Variants in EMC2 observed in about 807,000 individuals in gnomAD.
EMC2 encodes ER membrane protein complex subunit 2, also known as TPR repeat protein 35.
A neutral mutation model predicts 51.6 loss-of-function variants in EMC2; 37 were observed. That is an observed-to-expected ratio of 0.72 (90% CI 0.55 to 0.94). The LOEUF is 0.94. Ranked by LOEUF, EMC2 falls within the 40% of genes least tolerant of loss-of-function variation. EMC2 has a pLI of 0.00. For missense variants in EMC2, 359 were observed against 350.9 expected (o/e 1.02, Z -0.18); for synonymous variants, 131 against 112.4 (o/e 1.17, Z -1.04).
Position 108,450,486 on chromosome 8 carries a change from G to C in EMC2, c.213G>C (p.Leu71Phe). Residue 71 changes from leucine to phenylalanine, a missense_variant, in exon 3 of 11, where the codon TTG (leucine) becomes TTC (phenylalanine). Physicochemically the swap from Leu to Phe is conservative, Grantham distance 22. Transcript: ENST00000220853. ...CACTAGACTATGGTCGGGATGACTT[G>C]GCATTGGTAGGTATTTAAATGAAGT... ...IAALDYGRDD[L>F]ALFCLQELRR... 1 of 1,557,716 alleles carries C rather than the reference G, an allele frequency of 6.4e-7. No homozygotes were observed.
At chr8:108,455,051 G>C (rs1004527018) in intron 4 of EMC2, among the ~76,000 whole-genome samples, 3 of 152,040 alleles carry the variant, frequency 2.0e-5, no homozygotes, top group Admixed American at 6.5e-5. Flanking sequence ...CGTTGGTGTA[G>C]ATTTTTTGCT....
At chr8:108,459,390 C>A (rs1398105643) in intron 5 of EMC2, among the ~76,000 whole-genome samples, 3 of 152,094 alleles carry the variant, frequency 2.0e-5, no homozygotes, top group Non-Finnish European at 2.9e-5. Context: ...GAAGACTGGG[C>A]AATTTACAAA....
chr8:108,476,988 A>AT, intron 9 of EMC2, 96 bp downstream of exon 9: 1 of 606,306 alleles, frequency 1.6e-6, no homozygotes, highest in Non-Finnish European at 3.0e-6. Flanking sequence ...TGTTTTTTGT[A>AT]TTTTATTGAT....
At chr8:108,477,853 A>G (rs1050177921) in intron 9 of EMC2, among the ~76,000 whole-genome samples, 1 of 152,066 alleles carries the variant, frequency 6.6e-6, no homozygotes, top group Non-Finnish European at 1.5e-5. Context: ...TTTTATTTTA[A>G]ATCAATAAAT....
chr8:108,459,904 T>A (rs1434781687), intron 5 of EMC2, among the ~76,000 whole-genome samples: 1 of 152,194 alleles, frequency 6.6e-6, no homozygotes, highest in Non-Finnish European at 1.5e-5. Flanking sequence ...ATGTAGATAC[T>A]GAGAATAAAA....
chr8:108,471,215 C>T (rs574947994), intron 7 of EMC2, among the ~76,000 whole-genome samples: 2 of 151,912 alleles, frequency 1.3e-5, no homozygotes, highest in African/African-American at 2.4e-5. Context: ...CTCATGATTT[C>T]TTACACATGT....
At chr8:108,463,246 T>C (rs1241491885) in intron 5 of EMC2, among the ~76,000 whole-genome samples, 1 of 152,174 alleles carries the variant, frequency 6.6e-6, no homozygotes, top group Non-Finnish European at 1.5e-5. Flanking sequence ...TAGGATATAT[T>C]TTGAAGGAGA....
intron 7 of EMC2, chr8:108,474,404 TTAGG>T (rs1810911311): frequency 6.6e-6 from 1 of 151,912 alleles, no homozygotes; most frequent in Admixed American, 6.6e-5. Context: ...TAAATATATA[TTAGG>T]TAGGTAGTCA....
chr8:108,488,594 C>T lies in EMC2; in HGVS notation c.*1996C>T, dbSNP rs1207891465. 1.3e-5 allele frequency among the ~76,000 whole-genome samples: 2 copies of T among 152,154 alleles called. No homozygotes were observed. The highest frequency in any genetic ancestry group is 2.4e-5 in the African/African-American group (1 of 41,434). ...ATAATCCCATTACAGCAGGCAGTTG[C>T]CTACAGCTATTACCTTTATTTCTTC... On this transcript the variant is annotated 3_prime_UTR_variant, in exon 11 of 11. Coordinates refer to ENST00000220853, the MANE Select transcript of EMC2 (RefSeq NM_014673.5).
At chr8:108,458,446 A>G (rs1297747135) in intron 5 of EMC2, among the ~76,000 whole-genome samples, 2 of 152,202 alleles carry the variant, frequency 1.3e-5, no homozygotes, top group East Asian at 1.9e-4. Context: ...CTGCCTGGAC[A>G]TGTAGCCATT....
chr8:108,461,871 A>G (rs1819330511), intron 5 of EMC2, among the ~76,000 whole-genome samples: 1 of 151,804 alleles, frequency 6.6e-6, no homozygotes, highest in Non-Finnish European at 1.5e-5. Flanking sequence ...CTCTGTCGCC[A>G]GGCTGTGGCT....
chr8:108,455,127 G>A (rs1183696611), intron 4 of EMC2, among the ~76,000 whole-genome samples: 1 of 151,850 alleles, frequency 6.6e-6, no homozygotes, highest in Non-Finnish European at 1.5e-5. Context: ...ATAAGTTTAG[G>A]AAAATTTTCA....
Position 108,468,318 on chromosome 8 carries a change from T to C in EMC2, c.364-1508T>C, listed in dbSNP as rs181909753. 7.0e-3 allele frequency among the ~76,000 whole-genome samples: 1,072 copies of C among 152,288 alleles called. 10 individuals carry two copies. The highest frequency in any genetic ancestry group is 9.9e-3 in the Non-Finnish European group (671 of 67,996). On this transcript the variant is annotated intron_variant, in intron 5 of 10. Coordinates refer to ENST00000220853, the MANE Select transcript of EMC2 (RefSeq NM_014673.5). ...TGAGTTCTTGAGACTTTTAAAACTT[T>C]GCATTTATTGTGGCACATTTTTGTT... is the stretch of plus-strand genomic sequence containing the variant.
chr8:108,464,836 T>A (rs1819429728), intron 5 of EMC2, among the ~76,000 whole-genome samples: 3 of 152,154 alleles, frequency 2.0e-5, no homozygotes, highest in Admixed American at 2.0e-4. Flanking sequence ...TAAGACCAAT[T>A]ATCTTGAGAG....
intron 2 of EMC2, 116 bp downstream of exon 2, chr8:108,450,052 A>C: frequency 2.0e-6 from 1 of 510,282 alleles, no homozygotes; most frequent in Non-Finnish European, 3.5e-6. Flanking sequence ...TTTCTTTGTG[A>C]CTTTTTGTCC....
At chr8:108,465,304 C>G (rs1014885995) in intron 5 of EMC2, among the ~76,000 whole-genome samples, 2 of 152,182 alleles carry the variant, frequency 1.3e-5, no homozygotes, top group Admixed American at 1.3e-4. Flanking sequence ...AGTCTTCATT[C>G]AGGGTCTAGC....
chr8:108,456,349 A>C (rs1016793434), intron 5 of EMC2, among the ~76,000 whole-genome samples: 3 of 35,934 alleles, frequency 8.3e-5, no homozygotes, highest in Non-Finnish European at 2.0e-4. Flanking sequence ...AAAAAAAAAG[A>C]AAAAAAAAAA....
At chr8:108,484,414 G>C (rs1054719693) in intron 10 of EMC2, among the ~76,000 whole-genome samples, 1 of 151,950 alleles carries the variant, frequency 6.6e-6, no homozygotes, top group African/African-American at 2.4e-5. Context: ...AAATTTATTT[G>C]GTTTATTCTA....
intron 5 of EMC2, among the ~76,000 whole-genome samples, chr8:108,456,332 C>CAAAAAAAAAAAAAAAAAAAAAAAA (rs869162246): frequency 4.2e-5 from 1 of 23,606 alleles, no homozygotes; most frequent in African/African-American, 1.9e-4. Flanking sequence ...GACTTCGTGT[C>CAAAAAAAAAAAAAAAAAAAAAAAA]AAAAAAAAAA....
Sources: allele counts gnomAD v4.1 joint callset (sites outside exome capture counted in the v4.1 genomes callset), GRCh38; gene constraint gnomAD v4.1.1; transcripts MANE v1.5; gene names NCBI Gene and HGNC (gene_info 2026-07-23, HGNC 2026-07-21).